The following CLDN16 variants were observed in gnomAD, a reference collection of about 807,000 sequenced individuals.
CLDN16 encodes the protein claudin 16, also known as claudin-16.
A neutral mutation model predicts 24.6 loss-of-function variants in CLDN16; 13 were observed. The observed-to-expected ratio is 0.53, with a 90% CI of 0.34 to 0.84. The LOEUF is 0.84. Ranked by LOEUF, CLDN16 falls within the 40% of genes least tolerant of loss-of-function variation. The probability of loss-of-function intolerance (pLI) is 0.01; values close to 1 mark genes in which losing one functional copy is unlikely to be tolerated. For missense variants in CLDN16, 298 were observed against 292.7 expected, an observed-to-expected ratio of 1.02 and a Z score of -0.13; for synonymous variants, 116 against 106.7, an observed-to-expected ratio of 1.09 and a Z score of -0.54.
At chr3:190,312,032 G>T in the CLDN16 span, among the ~76,000 whole-genome samples, 1 of 151,636 alleles carries the variant, frequency 6.6e-6, no homozygotes, top group African/African-American at 2.4e-5. Context: ...CCGAGTTGAG[G>T]TGATTCTCAT....
At chr3:190,363,378 A>G (rs1717942713) in intron 1 of CLDN16, among the ~76,000 whole-genome samples, 1 of 151,166 alleles carries the variant, frequency 6.6e-6, no homozygotes, top group Admixed American at 6.6e-5. Flanking sequence ...ATGCTTTACC[A>G]CATTTTTAAT....
chr3:190,366,026 T>C (rs1185073354), intron 1 of CLDN16, among the ~76,000 whole-genome samples: 1 of 151,872 alleles, frequency 6.6e-6, no homozygotes, highest in African/African-American at 2.4e-5. Context: ...GGAAAGCAAG[T>C]TTGTAAGTAC....
At chr3:190,354,716 T>C (rs1577407057) in intron 1 of CLDN16, among the ~76,000 whole-genome samples, 2 of 152,048 alleles carry the variant, frequency 1.3e-5, no homozygotes, top group African/African-American at 4.8e-5. Context: ...CTTGAAACCT[T>C]ATAGTTTCAG....
chr3:190,360,486 ACT>A (rs921881457), intron 1 of CLDN16, among the ~76,000 whole-genome samples: 1 of 151,820 alleles, frequency 6.6e-6, no homozygotes, highest in Non-Finnish European at 1.5e-5. Flanking sequence ...ATAATAAGAA[ACT>A]CAACTGGTGT....
intron 1 of CLDN16, among the ~76,000 whole-genome samples, chr3:190,360,479 A>G (rs547739368): frequency 6.6e-6 from 1 of 152,062 alleles, no homozygotes; most frequent in Admixed American, 6.6e-5. Flanking sequence ...ATAAGAGATA[A>G]TAAGAAACTC....
At position 190,404,851 on chromosome 3, in the gene CLDN16, G is replaced by T; in HGVS notation, c.307G>T (p.Val103Leu). The T allele has an allele frequency of 1.2e-6, 2 of 1,614,092 alleles. No homozygotes were observed. The highest frequency in any genetic ancestry group is 1.7e-6 in the Non-Finnish European group (2 of 1,180,020). The part of the protein sequence containing the change: ...FLTLLLGLDC[V>L]KFLPDEPYIK... ...CACCCTGCTCCTTGGTCTTGACTGC[G>T]TGAAATTCCTCCCTGATGAGCCGTA... Residue 103 changes from valine to leucine, a missense_variant, in exon 3 of 5, where the codon GTG becomes TTG. By Grantham distance (32) the Val-to-Leu change is conservative. Transcript: ENST00000264734.
At chr3:190,384,534 G>A (rs1359086714), upstream of CLDN16, among the ~76,000 whole-genome samples, 1 of 152,178 alleles carries the variant, frequency 6.6e-6, no homozygotes, top group Non-Finnish European at 1.5e-5. Context: ...CAGGAGTAGT[G>A]CAAGCACTGG....
chr3:190,373,241 G>GAAAC (rs10659925), intron 2 of CLDN16, among the ~76,000 whole-genome samples: 1 of 151,406 alleles, frequency 6.6e-6, no homozygotes, highest in African/African-American at 2.4e-5. Context: ...AGCAGGGGTT[G>GAAAC]CAGGGTTTCT....
the CLDN16 span, among the ~76,000 whole-genome samples, chr3:190,299,233 T>A: frequency 6.6e-6 from 1 of 152,152 alleles, no homozygotes; most frequent in East Asian, 1.9e-4. Context: ...TAAGCTTATA[T>A]CATTTATCTT....
chr3:190,298,684 C>T, the CLDN16 span, among the ~76,000 whole-genome samples: 7 of 151,890 alleles, frequency 4.6e-5, no homozygotes, highest in East Asian at 1.9e-4. Context: ...GTGATCCGCG[C>T]GCCTTGGCCT....
At chr3:190,325,436 G>T (rs1418015219) in intron 1 of CLDN16, among the ~76,000 whole-genome samples, 1 of 152,150 alleles carries the variant, frequency 6.6e-6, no homozygotes, top group Non-Finnish European at 1.5e-5. Context: ...ATCTGTTGCA[G>T]CCCACTGAGG....
chr3:190,381,770 G>A (rs994506194), intron 3 of CLDN16, among the ~76,000 whole-genome samples: 1 of 152,070 alleles, frequency 6.6e-6, no homozygotes, highest in Non-Finnish European at 1.5e-5. Context: ...GTTGGCATGA[G>A]TGCAGTGATA....
intron 1 of CLDN16, among the ~76,000 whole-genome samples, chr3:190,398,223 C>T (rs116624664): frequency 0.011 from 1,644 of 152,240 alleles, 30 homozygotes; most frequent in African/African-American, 0.038. Flanking sequence ...CTATAGTTGC[C>T]GTAACAAATG....
chr3:190,346,603 T>C (rs1717554972), intron 1 of CLDN16, among the ~76,000 whole-genome samples: 1 of 152,204 alleles, frequency 6.6e-6, no homozygotes, highest in Admixed American at 6.5e-5. Flanking sequence ...TACCACAAAC[T>C]AGGTGGCTTA....
At chr3:190,354,829 G>A (rs936006536) in intron 1 of CLDN16, among the ~76,000 whole-genome samples, 2 of 151,986 alleles carry the variant, frequency 1.3e-5, no homozygotes, top group African/African-American at 4.8e-5. Context: ...GAACTTGGAT[G>A]TCCCTGATAT....
intron 1 of CLDN16, among the ~76,000 whole-genome samples, chr3:190,351,009 G>T (rs1577405673): frequency 2.0e-5 from 3 of 152,176 alleles, no homozygotes; most frequent in African/African-American, 4.8e-5. Context: ...GGAGGTGTTG[G>T]GTCTTGTGGG....
At chr3:190,344,305 T>C (rs1166950629) in intron 1 of CLDN16, among the ~76,000 whole-genome samples, 2 of 151,974 alleles carry the variant, frequency 1.3e-5, no homozygotes, top group Admixed American at 6.6e-5. Context: ...TGGATTTTTA[T>C]GCATGCACCT....
chr3:190,349,725 CA>C (rs1404253554), intron 1 of CLDN16, among the ~76,000 whole-genome samples: 1 of 152,166 alleles, frequency 6.6e-6, no homozygotes. Flanking sequence ...AGAGGCTTTG[CA>C]TGTTCCTTTT....
chr3:190,303,375 A>G, the CLDN16 span, among the ~76,000 whole-genome samples: 485 of 152,348 alleles, frequency 3.2e-3, 4 homozygotes, highest in African/African-American at 0.011. Context: ...AATGATTTCC[A>G]AAAAGAAGTA....
Sources: gnomAD v4.1 joint callset for allele counts (sites outside exome capture counted in the v4.1 genomes callset) on GRCh38, gnomAD v4.1.1 for gene constraint, MANE v1.5 for transcripts, NCBI Gene and HGNC (gene_info 2026-07-23, HGNC 2026-07-21) for gene names.